The following CDH18 variants were observed in gnomAD, a reference collection of about 807,000 sequenced individuals.
CDH18 encodes the protein cadherin-18.
In CDH18, 31 loss-of-function variants were observed where a neutral mutation model predicts 67.9. That is an observed-to-expected ratio of 0.46 (90% confidence interval 0.34 to 0.62). The LOEUF (loss-of-function observed/expected upper bound fraction) is 0.62. CDH18 is among the 20% of genes least tolerant of loss of function. CDH18 has a pLI of 0.01. For missense variants in CDH18, 890 were observed against 975.5 expected (o/e 0.91, Z 1.17); for synonymous variants, 362 against 347.2 (o/e 1.04, Z -0.48).
chr5:20,562,572 G>A (rs1049717787), intron 1 of CDH18, among the ~76,000 whole-genome samples: 10 of 151,332 alleles, frequency 6.6e-5, no homozygotes, highest in African/African-American at 9.7e-5. Context: ...TAACTAGAAC[G>A]TTATATTCTA....
At chr5:20,190,087 T>C (rs1337920004) in intron 2 of CDH18, among the ~76,000 whole-genome samples, 1 of 152,086 alleles carries the variant, frequency 6.6e-6, no homozygotes, top group African/African-American at 2.4e-5. Flanking sequence ...CCCTAGCTTC[T>C]TCCAGTACTC....
chr5:19,511,405 G>T (rs754271036), intron 10 of CDH18, among the ~76,000 whole-genome samples: 33 of 152,252 alleles, frequency 2.2e-4, no homozygotes, highest in Admixed American at 8.5e-4. Flanking sequence ...TTTGGAACTG[G>T]GTAAGAGGCA....
intron 1 of CDH18, among the ~76,000 whole-genome samples, chr5:20,492,001 A>G (rs1471910611): frequency 1.3e-5 from 2 of 152,096 alleles, no homozygotes; most frequent in Admixed American, 6.6e-5. Flanking sequence ...TCAATATAAT[A>G]CAGGATTTGT....
At chr5:19,719,930 AAAGAAAGAAAGAAAG>A (rs1219681150) in intron 5 of CDH18, among the ~76,000 whole-genome samples, 1 of 151,102 alleles carries the variant, frequency 6.6e-6, no homozygotes, top group Non-Finnish European at 1.5e-5. Flanking sequence ...AGAAAGAAAG[AAAGAAAGAAAGAAAG>A]AAAGAAAGAA....
At chr5:20,082,311 G>A (rs1272017900) in intron 2 of CDH18, among the ~76,000 whole-genome samples, 1 of 152,172 alleles carries the variant, frequency 6.6e-6, no homozygotes, top group Non-Finnish European at 1.5e-5. Context: ...AGAACCGCAA[G>A]TAGTATTAGC....
At chr5:20,118,454 T>C (rs1748095620) in intron 2 of CDH18, among the ~76,000 whole-genome samples, 1 of 152,208 alleles carries the variant, frequency 6.6e-6, no homozygotes, top group Non-Finnish European at 1.5e-5. Context: ...AATATTCTTA[T>C]TTACTACGCT....
At chr5:20,225,082 C>T (rs1001080375) in intron 2 of CDH18, among the ~76,000 whole-genome samples, 1 of 152,078 alleles carries the variant, frequency 6.6e-6, no homozygotes, top group Non-Finnish European at 1.5e-5. Flanking sequence ...GTTTGGATAG[C>T]TCTTTTCGTC....
At chr5:20,512,074 T>A (rs1278591573) in intron 1 of CDH18, among the ~76,000 whole-genome samples, 1 of 151,688 alleles carries the variant, frequency 6.6e-6, no homozygotes, top group Admixed American at 6.6e-5. Context: ...ATACAAAAAA[T>A]TAGTTGGGTG....
chr5:20,120,636 G>A (rs934355498), intron 2 of CDH18, among the ~76,000 whole-genome samples: 3 of 152,064 alleles, frequency 2.0e-5, no homozygotes, highest in African/African-American at 4.8e-5. Context: ...AATGACCAAT[G>A]CAATACACTG....
intron 2 of CDH18, among the ~76,000 whole-genome samples, chr5:19,945,689 T>C (rs1795219301): frequency 6.6e-6 from 1 of 151,892 alleles, no homozygotes. Flanking sequence ...AACAAACAAA[T>C]GGAAATTATA....
chr5:20,413,615 G>C (rs1475550494), intron 1 of CDH18, among the ~76,000 whole-genome samples: 1 of 152,144 alleles, frequency 6.6e-6, no homozygotes, highest in Non-Finnish European at 1.5e-5. Flanking sequence ...GTCTTCTTTT[G>C]AAAAGTGTCT....
rs1259068673 is a variant in CDH18, at chr5:20,516,361, C to CA, written c.-580+59100dup. Among the ~76,000 whole-genome samples the CA allele has an allele frequency of 4.6e-5, 7 of 151,634 alleles. No individual in the cohort carries two copies. The East Asian group carries it at 1.4e-3, about 29-fold the overall frequency. Reference sequence around the variant, plus strand: ...GTTTGGATAGGTTTTCATAATATTACAAAAAACAAATAAAATTCAACCGTT... The same window carrying CA: ...GTTTGGATAGGTTTTCATAATATTACAAAAAAACAAATAAAATTCAACCGTT... On this transcript the variant is annotated intron_variant, in intron 1 of 14. Coordinates refer to the CDH18 transcript ENST00000507958.
intron 1 of CDH18, among the ~76,000 whole-genome samples, chr5:20,532,792 T>G (rs1478121736): frequency 6.6e-6 from 1 of 152,146 alleles, no homozygotes; most frequent in Non-Finnish European, 1.5e-5. Flanking sequence ...AATAATCCAT[T>G]GTTTAGTTAA....
At chr5:20,098,384 T>A (rs1746170102) in intron 2 of CDH18, among the ~76,000 whole-genome samples, 1 of 152,060 alleles carries the variant, frequency 6.6e-6, no homozygotes, top group Non-Finnish European at 1.5e-5. Flanking sequence ...ATTACCACAA[T>A]CAAAATAACA....
intron 1 of CDH18, among the ~76,000 whole-genome samples, chr5:20,375,696 T>G (rs1331053150): frequency 6.6e-6 from 1 of 152,178 alleles, no homozygotes; most frequent in Non-Finnish European, 1.5e-5. Flanking sequence ...CAGAGCATAA[T>G]TTTCCCTCTG....
chr5:19,767,019 TA>T (rs1318769117), intron 3 of CDH18, among the ~76,000 whole-genome samples: 1 of 151,604 alleles, frequency 6.6e-6, no homozygotes, highest in Non-Finnish European at 1.5e-5. Context: ...TAAATATTAT[TA>T]AAAATAAAAT....
chr5:19,850,104 A>G (rs1390399147), intron 2 of CDH18, among the ~76,000 whole-genome samples: 2 of 151,930 alleles, frequency 1.3e-5, no homozygotes, highest in Non-Finnish European at 2.9e-5. Flanking sequence ...AATGAATATG[A>G]CAACAGTATT....
chr5:20,547,302 C>T (rs1023245979), intron 1 of CDH18, among the ~76,000 whole-genome samples: 5 of 151,988 alleles, frequency 3.3e-5, no homozygotes, highest in Non-Finnish European at 7.4e-5. Context: ...GGTGCTCATG[C>T]CTGGAATCCC....
intron 2 of CDH18, among the ~76,000 whole-genome samples, chr5:19,856,123 T>A (rs1784253988): frequency 6.6e-6 from 1 of 152,132 alleles, no homozygotes; most frequent in Non-Finnish European, 1.5e-5. Flanking sequence ...GTAACTTGAG[T>A]CAGCGTGCAT....
Sources: allele counts gnomAD v4.1 joint callset (sites outside exome capture counted in the v4.1 genomes callset), GRCh38; gene constraint gnomAD v4.1.1; transcripts MANE v1.5; gene names NCBI Gene and HGNC (gene_info 2026-07-23, HGNC 2026-07-21).